NXPE2: variants seen among roughly 807,000 people sequenced by gnomAD.
NXPE2 encodes neurexophilin and PC-esterase domain family member 2, also known as NXPE family member 2.
NXPE2 carries 34 observed loss-of-function variants against 34.4 expected under a neutral mutation model. The ratio of observed to expected loss-of-function variants is 0.99; its 90% confidence interval spans 0.75 to 1.31. The LOEUF (loss-of-function observed/expected upper bound fraction) is 1.31. NXPE2 is among the 40% of genes most tolerant of loss of function. The probability of loss-of-function intolerance (pLI) is 0.00; values close to 1 mark genes in which losing one functional copy is unlikely to be tolerated. For synonymous variants in NXPE2, 235 were observed against 231.3 expected, an observed-to-expected ratio of 1.02 and a Z score of -0.15; for missense variants, 649 against 672.5, an observed-to-expected ratio of 0.97 and a Z score of 0.39.
the NXPE2 span, among the ~76,000 whole-genome samples, chr11:114,624,796 C>A: frequency 3.9e-5 from 6 of 152,122 alleles, no homozygotes; most frequent in Non-Finnish European, 7.4e-5. Context: ...AGCACTGTTA[C>A]CCGGTGGATA....
chr11:114,612,995 A>G, the NXPE2 span, among the ~76,000 whole-genome samples: 5 of 150,996 alleles, frequency 3.3e-5, no homozygotes, highest in African/African-American at 9.7e-5. Context: ...CTGTTACCCA[A>G]TGGATAATTA....
chr11:114,779,175 AAG>A, the NXPE2 span, among the ~76,000 whole-genome samples: 1 of 152,214 alleles, frequency 6.6e-6, no homozygotes, highest in Non-Finnish European at 1.5e-5. Flanking sequence ...CTGTGGATAT[AAG>A]AAACTTTTCT....
intron 2 of NXPE2, among the ~76,000 whole-genome samples, chr11:114,689,916 G>A (rs764106012): frequency 2.6e-5 from 4 of 151,654 alleles, no homozygotes; most frequent in Non-Finnish European, 4.4e-5. Context: ...TAACAAACTT[G>A]GCTCTTTTTC....
At chr11:114,686,178 T>C (rs1039955194) in intron 2 of NXPE2, among the ~76,000 whole-genome samples, 4 of 152,106 alleles carry the variant, frequency 2.6e-5, no homozygotes, top group African/African-American at 9.7e-5. Context: ...TATGGGTATA[T>C]TGCATGATGA....
the NXPE2 span, chr11:114,523,207 T>A: frequency 1.7e-5 from 12 of 700,838 alleles, no homozygotes; most frequent in African/African-American, 2.1e-4. Context: ...CCTATTTCCT[T>A]TTTCTGTCCC....
At chr11:114,557,100 G>A in the NXPE2 span, among the ~76,000 whole-genome samples, 7 of 151,878 alleles carry the variant, frequency 4.6e-5, no homozygotes, top group African/African-American at 1.7e-4. Flanking sequence ...CACCATGTTG[G>A]CCAGGCTGGT....
chr11:114,688,011 T>C (rs1951080018), intron 2 of NXPE2, among the ~76,000 whole-genome samples: 1 of 152,102 alleles, frequency 6.6e-6, no homozygotes, highest in African/African-American at 2.4e-5. Context: ...TAAGGTTTTC[T>C]AGGTATAGAA....
rs1298476754 is a variant in NXPE2 at position 114,679,760 on chromosome 11, AAGGT to A, written c.132+2_132+5del. The A allele has an allele frequency of 3.7e-5, 56 of 1,531,444 alleles. No individual in the cohort carries two copies. Among genetic ancestry groups the A allele is most frequent in the Non-Finnish European group, 5.0e-5 (56 of 1,130,012 alleles). The allele number at this position is 1,531,444 out of a possible 1,614,324, so 94.9% of individuals were successfully genotyped here. On this transcript the variant is annotated splice_donor_variant and coding_sequence_variant, in exon 2 of 6. Transcript: ENST00000389586. LOFTEE classifies it high-confidence loss of function. The stretch of plus-strand genomic sequence containing the variant: ...TTACTTGGCTTCAAAAGACCACACA[AAGGT>A]AGGAAGTTTCATTTTTAAGAATTTC...
chr11:114,729,663 T>C, the NXPE2 span, among the ~76,000 whole-genome samples: 4 of 152,156 alleles, frequency 2.6e-5, no homozygotes, highest in African/African-American at 4.8e-5. Context: ...ATTAGTGATG[T>C]TGGGCATTTT....
the NXPE2 span, among the ~76,000 whole-genome samples, chr11:114,662,851 C>T: frequency 5.0e-3 from 759 of 152,288 alleles, 7 homozygotes; most frequent in Middle Eastern, 0.017. Flanking sequence ...CAACAGTTAT[C>T]ACCTGCTATC....
chr11:114,761,626 G>A, the NXPE2 span, among the ~76,000 whole-genome samples: 2 of 144,592 alleles, frequency 1.4e-5, no homozygotes, highest in Non-Finnish European at 3.0e-5. Flanking sequence ...GACTGCGGAC[G>A]GCAGTGGCGC....
the NXPE2 span, among the ~76,000 whole-genome samples, chr11:114,801,579 G>A: frequency 3.3e-5 from 5 of 152,300 alleles, no homozygotes; most frequent in African/African-American, 4.8e-5. Context: ...TATGTGCTGC[G>A]TGGAGTTGGA....
chr11:114,587,374 A>G, the NXPE2 span, among the ~76,000 whole-genome samples: 170 of 152,362 alleles, frequency 1.1e-3, 1 homozygote, highest in East Asian at 0.031. Flanking sequence ...TAAATACTTT[A>G]GTACAGGACA....
chr11:114,516,504 C>T, the NXPE2 span, among the ~76,000 whole-genome samples: 258 of 152,216 alleles, frequency 1.7e-3, 4 homozygotes, highest in South Asian at 7.3e-3. Flanking sequence ...ATACTATGCT[C>T]TTGGTCTGAC....
chr11:114,632,546 G>T, the NXPE2 span, among the ~76,000 whole-genome samples: 3 of 110,890 alleles, frequency 2.7e-5, no homozygotes, highest in African/African-American at 7.0e-5. Flanking sequence ...TATTATATAT[G>T]TATATATTTG....
At chr11:114,601,791 G>A in the NXPE2 span, among the ~76,000 whole-genome samples, 67,213 of 67,550 alleles carry the variant, frequency 1, 33,444 homozygotes, top group Middle Eastern at 1. Flanking sequence ...TATAACATGT[G>A]ATATATGATT....
the NXPE2 span, among the ~76,000 whole-genome samples, chr11:114,769,055 A>G: frequency 6.6e-6 from 1 of 152,180 alleles, no homozygotes; most frequent in Non-Finnish European, 1.5e-5. Context: ...TTTGCAATCT[A>G]TCCATCTGAC....
the NXPE2 span, among the ~76,000 whole-genome samples, chr11:114,488,850 A>G: frequency 1.0e-3 from 153 of 152,266 alleles, no homozygotes; most frequent in African/African-American, 3.4e-3. Context: ...GCAAGAAATA[A>G]CTAAGATCAG....
the NXPE2 span, among the ~76,000 whole-genome samples, chr11:114,628,404 C>G: frequency 6.6e-6 from 1 of 152,206 alleles, no homozygotes; most frequent in Non-Finnish European, 1.5e-5. Flanking sequence ...ACTGAACAAC[C>G]TGCTTCTGAA....
Sources: allele counts gnomAD v4.1 joint callset (sites outside exome capture counted in the v4.1 genomes callset), GRCh38; gene constraint gnomAD v4.1.1; transcripts MANE v1.5; gene names NCBI Gene and HGNC (gene_info 2026-07-23, HGNC 2026-07-21).